Variants in LRCH1 observed in about 807,000 individuals in gnomAD.
The protein encoded by LRCH1 is leucine-rich repeat and calponin homology domain-containing protein 1.
A neutral mutation model predicts 94.9 loss-of-function variants in LRCH1; 23 were observed. The ratio of observed to expected loss-of-function variants is 0.24; its 90% CI spans 0.17 to 0.34. The LOEUF is 0.34. LRCH1 is among the 10% of genes least tolerant of loss of function. The pLI is 1.00. For synonymous variants in LRCH1, 364 were observed against 354.9 expected, an observed-to-expected ratio of 1.03 and a Z score of -0.29; for missense variants, 790 against 945.9, an observed-to-expected ratio of 0.84 and a Z score of 2.16.
At chr13:46,711,653 CACTA>C (rs1197856259) in intron 13 of LRCH1, 134 bp from the exon 14 acceptor site, 2 of 587,870 alleles carry the variant, frequency 3.4e-6, no homozygotes, top group African/African-American at 3.7e-5. Flanking sequence ...TTACTGAACA[CACTA>C]ACTAATTAAT....
chr13:46,728,468 G>A (rs189753369), intron 17 of LRCH1, among the ~76,000 whole-genome samples: 5 of 152,236 alleles, frequency 3.3e-5, no homozygotes, highest in Non-Finnish European at 5.9e-5. Flanking sequence ...CACCCACCTC[G>A]GCCTCCCAAA....
At chr13:46,619,100 C>CTTCCTTCCTTCCTTCCTTCCTTCT (rs1566180407) in intron 1 of LRCH1, among the ~76,000 whole-genome samples, 1 of 76,112 alleles carries the variant, frequency 1.3e-5, no homozygotes, top group African/African-American at 9.3e-5. Context: ...TCCTTCCTTC[C>CTTCCTTCCTTCCTTCCTTCCTTCT]TTCCTTCCTT....
intron 1 of LRCH1, among the ~76,000 whole-genome samples, chr13:46,591,625 A>G (rs2050500152): frequency 6.6e-6 from 1 of 152,240 alleles, no homozygotes; most frequent in Non-Finnish European, 1.5e-5. Flanking sequence ...CTCTGGGTTT[A>G]GTAAAACCAC....
At chr13:46,590,973 C>CT (rs1003887631) in intron 1 of LRCH1, among the ~76,000 whole-genome samples, 55 of 147,864 alleles carry the variant, frequency 3.7e-4, no homozygotes, top group African/African-American at 9.2e-4. Flanking sequence ...TTGCTTATGG[C>CT]TTTTTTTTTT....
At chr13:46,611,397 C>T (rs1368705455) in intron 1 of LRCH1, among the ~76,000 whole-genome samples, 6 of 152,180 alleles carry the variant, frequency 3.9e-5, no homozygotes, top group South Asian at 2.1e-4. Flanking sequence ...CAAGCACCAT[C>T]GTACTCTCCT....
intron 17 of LRCH1, 75 bp downstream of exon 17, chr13:46,723,405 C>T (rs1872677798): frequency 1.8e-6 from 2 of 1,113,482 alleles, no homozygotes; most frequent in Non-Finnish European, 2.7e-6. Flanking sequence ...GACTTTGAAA[C>T]ATTGCAAGCA....
At chr13:46,694,737 CTCCCTGCA>C (rs1266851322) in intron 8 of LRCH1, among the ~76,000 whole-genome samples, 148 bp from the exon 9 acceptor site, 1 of 152,136 alleles carries the variant, frequency 6.6e-6, no homozygotes, top group African/African-American at 2.4e-5. Context: ...TTATCTTTTC[CTCCCTGCA>C]GGGAAGAGAA....
intron 1 of LRCH1, among the ~76,000 whole-genome samples, chr13:46,644,090 C>T (rs2051191775): frequency 6.6e-6 from 1 of 152,058 alleles, no homozygotes; most frequent in Non-Finnish European, 1.5e-5. Flanking sequence ...GTGTGGGGAG[C>T]TTTATCCATC....
At chr13:46,664,667 A>C (rs1396706049) in intron 2 of LRCH1, among the ~76,000 whole-genome samples, 1 of 152,212 alleles carries the variant, frequency 6.6e-6, no homozygotes, top group African/African-American at 2.4e-5. Flanking sequence ...CGAGCTGAGC[A>C]CACCTATGCT....
At position 46,740,085 on chromosome 13, in the gene LRCH1, C is replaced by T. The variant is rs1173752734; in HGVS notation, c.2086-1557C>T. Among the ~76,000 whole-genome samples the T allele has an allele frequency of 2.0e-5, 3 of 152,196 alleles. No homozygotes were observed. In the East Asian group the frequency reaches 5.8e-4, roughly 29 times the overall value. ...ATATCAGCCTTCTGTCTTATGACTG[C>T]TTTGCTCGGATTTCCCTGGTCAAGC... On this transcript the variant is annotated intron_variant, in intron 19 of 19. Coordinates refer to ENST00000389797, the MANE Select transcript of LRCH1 (RefSeq NM_001164211.2).
intron 2 of LRCH1, among the ~76,000 whole-genome samples, chr13:46,656,254 TCTTA>T (rs1274169819): frequency 1.5e-4 from 23 of 152,242 alleles, no homozygotes; most frequent in Non-Finnish European, 2.5e-4. Context: ...CTACATTTCT[TCTTA>T]CTTGTAGAAG....
chr13:46,631,411 G>A (rs1171827232), intron 1 of LRCH1, among the ~76,000 whole-genome samples: 1 of 152,174 alleles, frequency 6.6e-6, no homozygotes, highest in Non-Finnish European at 1.5e-5. Context: ...AAGCCATGAA[G>A]CACTATTGAC....
At chr13:46,651,827 A>G (rs1212893139) in intron 2 of LRCH1, among the ~76,000 whole-genome samples, 1 of 150,270 alleles carries the variant, frequency 6.7e-6, no homozygotes, top group Non-Finnish European at 1.5e-5. Context: ...CAGCCTCCCA[A>G]GTAGCTGGGA....
chr13:46,666,492 C>G (rs1366548795), intron 2 of LRCH1, among the ~76,000 whole-genome samples: 1 of 152,176 alleles, frequency 6.6e-6, no homozygotes, highest in Non-Finnish European at 1.5e-5. Flanking sequence ...GAGTGTAACT[C>G]TGAGTTTCCA....
At chr13:46,740,907 A>AC (rs1293056134) in intron 19 of LRCH1, among the ~76,000 whole-genome samples, 1 of 151,408 alleles carries the variant, frequency 6.6e-6, no homozygotes, top group Middle Eastern at 3.2e-3. Flanking sequence ...ACAGAGGTCT[A>AC]CCCCCCCTGC....
intron 10 of LRCH1, among the ~76,000 whole-genome samples, chr13:46,700,813 C>T (rs1871424872): frequency 6.6e-6 from 1 of 152,172 alleles, no homozygotes; most frequent in South Asian, 2.1e-4. Context: ...CTCAGTAAAG[C>T]ACAACGGTGA....
intron 11 of LRCH1, among the ~76,000 whole-genome samples, chr13:46,702,180 AATAG>A (rs1871512152): frequency 1.4e-5 from 2 of 139,802 alleles, no homozygotes; most frequent in Admixed American, 7.4e-5. Flanking sequence ...GAGAATTTAG[AATAG>A]ATAGAGATTG....
intron 1 of LRCH1, among the ~76,000 whole-genome samples, chr13:46,555,721 G>T (rs2050056842): frequency 6.6e-6 from 1 of 152,186 alleles, no homozygotes; most frequent in Admixed American, 6.5e-5. Context: ...GGATATTCAT[G>T]TTTGTAGAAA....
intron 17 of LRCH1, among the ~76,000 whole-genome samples, chr13:46,727,403 A>G (rs1472792571): frequency 1.3e-5 from 2 of 152,242 alleles, no homozygotes; most frequent in Non-Finnish European, 2.9e-5. Context: ...GAGTGTAACA[A>G]ATGATCCAAC....
Sources: gnomAD v4.1 joint callset for allele counts (sites outside exome capture counted in the v4.1 genomes callset) on GRCh38, gnomAD v4.1.1 for gene constraint, MANE v1.5 for transcripts, NCBI Gene and HGNC (gene_info 2026-07-23, HGNC 2026-07-21) for gene names.